Variants in SMOC1 observed in about 807,000 individuals in gnomAD.
SMOC1 encodes the protein SPARC-related modular calcium-binding protein 1.
SMOC1 carries 22 observed loss-of-function variants against 56.3 expected under a neutral mutation model. The ratio of observed to expected loss-of-function variants is 0.39; its 90% CI spans 0.28 to 0.56. The LOEUF (loss-of-function observed/expected upper bound fraction) is 0.56, where lower values mean the gene tolerates loss of function less well. Among genes scored for constraint, SMOC1 ranks in the 20% least tolerant of loss-of-function variants. The pLI is 0.61. For synonymous variants in SMOC1, 193 were observed against 215.0 expected, an observed-to-expected ratio of 0.90 and a Z score of 0.89; for missense variants, 509 against 565.4, an observed-to-expected ratio of 0.90 and a Z score of 1.01.
intron 1 of SMOC1, among the ~76,000 whole-genome samples, chr14:69,927,654 C>T (rs1308803371): frequency 5.3e-5 from 8 of 152,168 alleles, no homozygotes; most frequent in Non-Finnish European, 8.8e-5. Context: ...CCAGCTTGGA[C>T]GACAGAGTCA....
chr14:69,989,012 A>G lies in SMOC1; in HGVS notation c.527-3405A>G, dbSNP rs190681524. ...ATAATGCTGCAGTGAATATTTCTAT[A>G]CATGTCTTTGTGTGGGCATGTTTTT... On this transcript the variant is annotated intron_variant, in intron 5 of 11. Coordinates refer to ENST00000361956, the MANE Select transcript of SMOC1 (RefSeq NM_001034852.3). Among the ~76,000 whole-genome samples, 500 of 152,272 alleles carry G rather than the reference A, an allele frequency of 3.3e-3. 1 individual carries two copies. The highest frequency in any genetic ancestry group is 7.1e-3 in the South Asian group (34 of 4,814).
At chr14:69,893,195 T>C (rs1040349277) in intron 1 of SMOC1, among the ~76,000 whole-genome samples, 1 of 152,236 alleles carries the variant, frequency 6.6e-6, no homozygotes, top group Non-Finnish European at 1.5e-5. Context: ...GTATATTTCA[T>C]GGGAGTTGGT....
At chr14:69,921,264 G>C (rs1884834806) in intron 1 of SMOC1, among the ~76,000 whole-genome samples, 1 of 152,324 alleles carries the variant, frequency 6.6e-6, no homozygotes, top group African/African-American at 2.4e-5. Context: ...TCATGGGCAA[G>C]ATCTTGCAGG....
At chr14:70,022,778 C>T (rs1885777227) in intron 10 of SMOC1, among the ~76,000 whole-genome samples, 1 of 152,236 alleles carries the variant, frequency 6.6e-6, no homozygotes, top group African/African-American at 2.4e-5. Context: ...GAGCACCTTC[C>T]CCACAGTCAG....
At chr14:70,026,298 C>T (rs1885921235) in intron 11 of SMOC1, among the ~76,000 whole-genome samples, 2 of 152,210 alleles carry the variant, frequency 1.3e-5, no homozygotes, top group African/African-American at 2.4e-5. Flanking sequence ...CTGTACTGCC[C>T]CTGCCTTCGG....
chr14:69,959,638 AC>A (rs916544742), intron 3 of SMOC1, among the ~76,000 whole-genome samples: 1 of 152,038 alleles, frequency 6.6e-6, no homozygotes, highest in African/African-American at 2.4e-5. Context: ...GCACACATGT[AC>A]CTGATTTTTT....
At chr14:69,926,714 A>G (rs2139381723) in intron 1 of SMOC1, among the ~76,000 whole-genome samples, 1 of 152,300 alleles carries the variant, frequency 6.6e-6, no homozygotes, top group African/African-American at 2.4e-5. Context: ...CCCATCAGGG[A>G]TGAAGCTTGC....
intron 1 of SMOC1, among the ~76,000 whole-genome samples, chr14:69,881,478 A>G (rs894938828): frequency 2.0e-5 from 3 of 152,062 alleles, no homozygotes; most frequent in African/African-American, 7.2e-5. Flanking sequence ...CTTTAGGGGA[A>G]AGCTAGGGAC....
intron 1 of SMOC1, among the ~76,000 whole-genome samples, chr14:69,929,470 A>C (rs749598819): frequency 2.0e-5 from 3 of 152,220 alleles, no homozygotes; most frequent in Non-Finnish European, 4.4e-5. Context: ...AGTAAGTCAT[A>C]GAGCTGGGAT....
At chr14:69,902,316 A>G (rs1177422579) in intron 1 of SMOC1, among the ~76,000 whole-genome samples, 1 of 152,196 alleles carries the variant, frequency 6.6e-6, no homozygotes, top group Non-Finnish European at 1.5e-5. Flanking sequence ...CCTGGATCCC[A>G]CTCTGCTAAA....
chr14:69,999,476 T>C (rs891194098), intron 7 of SMOC1, among the ~76,000 whole-genome samples: 1 of 152,112 alleles, frequency 6.6e-6, no homozygotes, highest in African/African-American at 2.4e-5. Context: ...CATGACGTGA[T>C]TGGGAGGAAG....
intron 1 of SMOC1, among the ~76,000 whole-genome samples, chr14:69,887,712 C>T (rs965245600): frequency 2.0e-5 from 3 of 152,212 alleles, no homozygotes; most frequent in Non-Finnish European, 2.9e-5. Context: ...CTGGCATAAA[C>T]GTCTGCATCA....
At chr14:70,021,326 T>G (rs994059760) in intron 10 of SMOC1, among the ~76,000 whole-genome samples, 10 of 152,184 alleles carry the variant, frequency 6.6e-5, no homozygotes, top group African/African-American at 2.4e-4. Flanking sequence ...GCAGCTGGTA[T>G]GCACTGCAGG....
At chr14:70,016,406 C>T (rs11621110) in intron 10 of SMOC1, among the ~76,000 whole-genome samples, 27,880 of 152,090 alleles carry the variant, frequency 0.18, 2,770 homozygotes, top group African/African-American at 0.23. Context: ...GGAATGAAGA[C>T]TTGAACTGCC....
chr14:69,960,589 T>C (rs1883335783), intron 3 of SMOC1, among the ~76,000 whole-genome samples: 1 of 152,200 alleles, frequency 6.6e-6, no homozygotes, highest in African/African-American at 2.4e-5. Flanking sequence ...TTCTTTTTCC[T>C]TTTTTGTTAT....
intron 10 of SMOC1, among the ~76,000 whole-genome samples, chr14:70,017,447 A>C (rs1292408306): frequency 2.0e-5 from 3 of 152,200 alleles, no homozygotes; most frequent in African/African-American, 7.2e-5. Flanking sequence ...TTGGCTGTGG[A>C]ATTCAGGCAG....
chr14:69,952,505 C>T (rs899623414), intron 2 of SMOC1, among the ~76,000 whole-genome samples: 2 of 152,240 alleles, frequency 1.3e-5, no homozygotes, highest in Admixed American at 6.5e-5. Context: ...TCAAACACTG[C>T]CCCCAGGCTA....
intron 3 of SMOC1, among the ~76,000 whole-genome samples, chr14:69,961,313 TATATATC>T: frequency 7.3e-6 from 1 of 136,244 alleles, no homozygotes; most frequent in African/African-American, 2.7e-5. Flanking sequence ...TATATATATA[TATATATC>T]CTGTTTTATT....
intron 11 of SMOC1, among the ~76,000 whole-genome samples, chr14:70,028,490 A>G (rs1886014283): frequency 6.6e-6 from 1 of 152,170 alleles, no homozygotes; most frequent in African/African-American, 2.4e-5. Context: ...GATGGAGATA[A>G]TTTTATCACT....
Sources: gnomAD v4.1 joint callset for allele counts (sites outside exome capture counted in the v4.1 genomes callset) on GRCh38, gnomAD v4.1.1 for gene constraint, MANE v1.5 for transcripts, NCBI Gene and HGNC (gene_info 2026-07-23, HGNC 2026-07-21) for gene names.